DDHD1: variants seen among roughly 807,000 people sequenced by gnomAD.
DDHD1 encodes DDHD domain containing 1.
In DDHD1, 49 loss-of-function variants were observed where a neutral mutation model predicts 96.4. That is an observed-to-expected ratio of 0.51 (90% CI 0.40 to 0.64). The LOEUF (loss-of-function observed/expected upper bound fraction) is 0.64, where lower values mean the gene tolerates loss of function less well. Ranked by LOEUF, DDHD1 falls within the 30% of genes least tolerant of loss-of-function variation. DDHD1 has a pLI of 0.00. For synonymous variants in DDHD1, 442 were observed against 446.5 expected, an observed-to-expected ratio of 0.99 and a Z score of 0.13; for missense variants, 1,106 against 1,161.2, an observed-to-expected ratio of 0.95 and a Z score of 0.69.
chr14:53,113,873 A>G (rs1888334936), intron 1 of DDHD1, among the ~76,000 whole-genome samples: 1 of 152,004 alleles, frequency 6.6e-6, no homozygotes, highest in South Asian at 2.1e-4. Context: ...CCCCAGTGAG[A>G]CTTCACTTCC....
In DDHD1 at chr14:53,152,302, A is replaced by G; in HGVS notation, c.797T>C (p.Val266Ala). The change falls in exon 1 of 13, where the codon GTG becomes GCG. Residue 266 changes from valine to alanine, a missense_variant. Physicochemically the swap from Val to Ala is moderately conservative, Grantham distance 64. This residue lies in a region of DDHD1 where 456 missense variants were observed against 402.4 expected (regional missense o/e 1.13). Coordinates refer to ENST00000673822, the MANE Select transcript of DDHD1 (RefSeq NM_001160148.2). Reference sequence around the variant, plus strand: ...GTAGCACTCTCCTTGGGTCACATCCACCTCGTAGAGGCCGCCCCGCACGCA... The same window carrying G: ...GTAGCACTCTCCTTGGGTCACATCCGCCTCGTAGAGGCCGCCCCGCACGCA... Reference protein sequence around the residue: ...PVCVRGGLYEVDVTQGECYPV... With the variant: ...PVCVRGGLYEADVTQGECYPV... 6 of 1,613,512 alleles carry G rather than the reference A, an allele frequency of 3.7e-6. No homozygotes were observed. Among genetic ancestry groups the G allele is most frequent in the Non-Finnish European group, 5.1e-6 (6 of 1,179,746 alleles).
In DDHD1 at chr14:53,041,098, G is replaced by A. The variant is rs1379609526; in HGVS notation, c.*5670C>T. ...AGGGAAGGTATGAGTGACGCTCCTA[G>A]ATATTCAATGTCTTCCAGGAGAAAG... On this transcript the variant is annotated 3_prime_UTR_variant, in exon 13 of 13. Transcript: ENST00000673822. The A allele has an allele frequency of 6.6e-6, 1 of 152,016 alleles. No homozygotes were observed. The highest frequency in any genetic ancestry group is 2.4e-5 in the African/African-American group (1 of 41,404). 9.4% of individuals were successfully genotyped at this position (152,016 alleles called of 1,614,324 possible).
intron 4 of DDHD1, among the ~76,000 whole-genome samples, chr14:53,088,661 G>C (rs984374794): frequency 6.6e-6 from 1 of 152,180 alleles, no homozygotes; most frequent in South Asian, 2.1e-4. Flanking sequence ...GGTATTGATG[G>C]AACATATCTC....
At chr14:53,067,066 T>C (rs1884085455) in intron 6 of DDHD1, among the ~76,000 whole-genome samples, 1 of 151,432 alleles carries the variant, frequency 6.6e-6, no homozygotes. Context: ...TAGTATCAAG[T>C]AGGGGAACTG....
At chr14:53,075,556 T>A (rs1884884859) in intron 4 of DDHD1, among the ~76,000 whole-genome samples, 1 of 152,104 alleles carries the variant, frequency 6.6e-6, no homozygotes, top group African/African-American at 2.4e-5. Context: ...AAGTGCGAGG[T>A]AAGTGCTAAT....
At chr14:53,073,881 G>C (rs1261486231) in intron 4 of DDHD1, 34 bp from the exon 5 acceptor site, 1 of 1,551,474 alleles carries the variant, frequency 6.4e-7, no homozygotes, top group Non-Finnish European at 8.8e-7. Flanking sequence ...TGCAAACAAA[G>C]CTTTATGAGA....
At chr14:53,075,802 G>C (rs1247203056) in intron 4 of DDHD1, among the ~76,000 whole-genome samples, 1 of 152,108 alleles carries the variant, frequency 6.6e-6, no homozygotes, top group Non-Finnish European at 1.5e-5. Context: ...AAATAGCCTA[G>C]GGCCCTTAAG....
At chr14:53,065,414 T>TA (rs11326143) in intron 6 of DDHD1, among the ~76,000 whole-genome samples, 1 of 152,176 alleles carries the variant, frequency 6.6e-6, no homozygotes, top group Non-Finnish European at 1.5e-5. Flanking sequence ...TAAAAGCTAT[T>TA]AAAAAGAGAG....
At chr14:53,077,782 C>T (rs1049459977) in intron 4 of DDHD1, among the ~76,000 whole-genome samples, 5 of 151,810 alleles carry the variant, frequency 3.3e-5, no homozygotes, top group African/African-American at 1.2e-4. Context: ...AACACCATAC[C>T]CATTAGCAGT....
At chr14:53,118,916 A>C (rs1376340183) in intron 1 of DDHD1, among the ~76,000 whole-genome samples, 3 of 152,208 alleles carry the variant, frequency 2.0e-5, no homozygotes, top group Non-Finnish European at 4.4e-5. Flanking sequence ...CCAGGGAGAA[A>C]GGTCAGGTTA....
At chr14:53,080,662 C>T (rs1405089115) in intron 4 of DDHD1, among the ~76,000 whole-genome samples, 2 of 150,714 alleles carry the variant, frequency 1.3e-5, no homozygotes, top group Admixed American at 1.3e-4. Flanking sequence ...AGAATTCAAA[C>T]TCTCCTTTAA....
At chr14:53,132,837 G>C (rs1381629312) in intron 1 of DDHD1, among the ~76,000 whole-genome samples, 1 of 152,212 alleles carries the variant, frequency 6.6e-6, no homozygotes, top group Non-Finnish European at 1.5e-5. Context: ...CGCTTCTGCT[G>C]ATAAGGTAGC....
At chr14:53,074,685 A>G (rs1884801900) in intron 4 of DDHD1, among the ~76,000 whole-genome samples, 2 of 152,110 alleles carry the variant, frequency 1.3e-5, no homozygotes, top group African/African-American at 4.8e-5. Flanking sequence ...CAATTGGAAG[A>G]CATGTCTCTA....
Position 53,125,702 on chromosome 14 carries a change from AT to A in DDHD1, c.839-21847del, listed in dbSNP as rs1195927962. Among the ~76,000 whole-genome samples, 981 of 139,768 alleles carry A rather than the reference AT, an allele frequency of 7.0e-3. 1 individual carries two copies. The highest frequency in any genetic ancestry group is 0.011 in the African/African-American group (418 of 37,840). The allele number at this position is 139,768 out of a possible 152,430, so 91.7% of individuals were successfully genotyped here. On this transcript the variant is annotated intron_variant, in intron 1 of 12. Transcript: ENST00000673822. ...CCTGAGGAATTAAATTAAAAGATGG[AT>A]TTTTTTTTTTTTTTTTGAGATGGAA...
intron 1 of DDHD1, among the ~76,000 whole-genome samples, chr14:53,150,506 C>T (rs1405758835): frequency 6.6e-6 from 1 of 152,196 alleles, no homozygotes; most frequent in Non-Finnish European, 1.5e-5. Context: ...ACTTTGTAAA[C>T]AGTGAAGTAC....
At chr14:53,062,887 G>A (rs1192053995) in intron 7 of DDHD1, 56 bp downstream of exon 7, 1 of 1,550,902 alleles carries the variant, frequency 6.4e-7, no homozygotes, top group African/African-American at 1.4e-5. Flanking sequence ...CTCGTAAGAG[G>A]TCCAGTAATT....
chr14:53,081,339 T>G (rs2139951931), intron 4 of DDHD1, among the ~76,000 whole-genome samples: 1 of 152,350 alleles, frequency 6.6e-6, no homozygotes, highest in South Asian at 2.1e-4. Context: ...ATTTAAAAAT[T>G]TCTAATATTT....
chr14:53,091,217 C>T (rs571261761), intron 4 of DDHD1, among the ~76,000 whole-genome samples: 10 of 152,256 alleles, frequency 6.6e-5, no homozygotes, highest in Non-Finnish European at 1.3e-4. Flanking sequence ...TTTTGAAACA[C>T]GCAAATATCA....
chr14:53,098,967 T>C (rs1440343848), intron 2 of DDHD1, among the ~76,000 whole-genome samples: 1 of 152,080 alleles, frequency 6.6e-6, no homozygotes, highest in Admixed American at 6.5e-5. Flanking sequence ...ATCTTATATA[T>C]ACAAATATAT....
Sources: allele counts gnomAD v4.1 joint callset (sites outside exome capture counted in the v4.1 genomes callset), GRCh38; gene constraint gnomAD v4.1.1; regional missense constraint gnomAD v4.1.1; transcripts MANE v1.5; gene names NCBI Gene and HGNC (gene_info 2026-07-23, HGNC 2026-07-21).